Variants in CSMD2 observed in about 807,000 individuals in gnomAD.
CSMD2 encodes CUB and Sushi multiple domains 2, also known as CUB and sushi domain-containing protein 2.
CSMD2 carries 130 observed loss-of-function variants against 398.5 expected under a neutral mutation model. The ratio of observed to expected loss-of-function variants is 0.33; its 90% confidence interval spans 0.28 to 0.38. The LOEUF is 0.38. Among genes scored for constraint, CSMD2 ranks in the 10% least tolerant of loss-of-function variants. The pLI is 1.00. For synonymous variants in CSMD2, 1,828 were observed against 1,908.5 expected (o/e 0.96, Z 1.10); for missense variants, 3,829 against 4,764.9 (o/e 0.80, Z 5.78).
intron 1 of CSMD2, among the ~76,000 whole-genome samples, chr1:34,110,334 C>G (rs1462457374): frequency 6.6e-6 from 1 of 152,036 alleles, no homozygotes; most frequent in African/African-American, 2.4e-5. Flanking sequence ...CCCAGCAATC[C>G]CATTACTGGG....
At chr1:33,657,468 T>C (rs1004702404) in intron 27 of CSMD2, among the ~76,000 whole-genome samples, 1 of 152,216 alleles carries the variant, frequency 6.6e-6, no homozygotes, top group African/African-American at 2.4e-5. Flanking sequence ...AGTGAGACTC[T>C]ATCTCTAAAA....
intron 25 of CSMD2, among the ~76,000 whole-genome samples, chr1:33,671,567 C>T (rs1644498971): frequency 6.6e-6 from 1 of 152,108 alleles, no homozygotes; most frequent in African/African-American, 2.4e-5. Context: ...TTTCAGAGTT[C>T]CACCTCCCAC....
chr1:33,568,394 C>T (rs1659272753), intron 52 of CSMD2, among the ~76,000 whole-genome samples: 1 of 152,100 alleles, frequency 6.6e-6, no homozygotes, highest in Non-Finnish European at 1.5e-5. Context: ...ACCATGTTGG[C>T]CAGGCTGGTC....
At chr1:33,733,085 C>G (rs1021044282) in intron 15 of CSMD2, among the ~76,000 whole-genome samples, 1 of 152,182 alleles carries the variant, frequency 6.6e-6, no homozygotes, top group Non-Finnish European at 1.5e-5. Flanking sequence ...CGTGGGAATG[C>G]CCACCTCAAC....
intron 2 of CSMD2, among the ~76,000 whole-genome samples, chr1:34,034,016 T>C (rs1429745178): frequency 6.6e-6 from 1 of 152,190 alleles, no homozygotes; most frequent in Admixed American, 6.5e-5. Flanking sequence ...TCTTCAAATA[T>C]AAACACATCC....
intron 2 of CSMD2, among the ~76,000 whole-genome samples, chr1:34,033,252 C>G (rs1397438924): frequency 6.6e-6 from 1 of 152,162 alleles, no homozygotes; most frequent in African/African-American, 2.4e-5. Flanking sequence ...TTATTCCTGA[C>G]AGTTGACATA....
chr1:33,742,323 G>C (rs1193272482), intron 14 of CSMD2, among the ~76,000 whole-genome samples: 9 of 152,232 alleles, frequency 5.9e-5, no homozygotes, highest in Non-Finnish European at 1.2e-4. Flanking sequence ...ACGGAGGCAA[G>C]GCCTTTATGC....
intron 3 of CSMD2, among the ~76,000 whole-genome samples, chr1:33,962,555 C>T (rs1292885418): frequency 1.3e-5 from 2 of 152,166 alleles, no homozygotes; most frequent in East Asian, 3.9e-4. Context: ...ACTCCAATGC[C>T]CCAACAGCTT....
rs1479653968 is a variant in CSMD2 at position 33,537,531 on chromosome 1, G to A, written c.9710C>T (p.Ser3237Phe). ...CACCAGAGGGGGATGGCAGGAGAAG[G>A]AGACAGATGACCTGTAGGAGAAGCC... ...DRGFSYRSSV[S>F]FSCHPPLVLV... The change falls in exon 61 of 71, where the codon TCC (serine) becomes TTC (phenylalanine). Residue 3237 changes from serine (S) to phenylalanine (F), a missense_variant. Physicochemically the swap from Ser to Phe is radical, Grantham distance 155. Coordinates refer to ENST00000373381, the MANE Select transcript of CSMD2 (RefSeq NM_001281956.2). The surrounding 1 kb of genome is among the most constrained non-coding windows in gnomAD (Gnocchi z 4.6). 1.9e-6 allele frequency: 3 copies of A among 1,614,102 alleles called. No homozygotes were observed. Among genetic ancestry groups the A allele is most frequent in the South Asian group, 1.1e-5 (1 of 91,088 alleles).
intron 1 of CSMD2, among the ~76,000 whole-genome samples, chr1:34,098,292 T>A (rs1422778698): frequency 7.8e-6 from 1 of 127,958 alleles, no homozygotes; most frequent in Admixed American, 8.0e-5. Flanking sequence ...AGGGATAGCA[T>A]TGGGAGATAT....
At chr1:33,673,745 A>G (rs1376805659) in intron 25 of CSMD2, among the ~76,000 whole-genome samples, 1 of 152,264 alleles carries the variant, frequency 6.6e-6, no homozygotes, top group Non-Finnish European at 1.5e-5. Flanking sequence ...GAAGCCCATC[A>G]GACTAACAGC....
At chr1:33,750,932 A>C (rs72662092) in intron 13 of CSMD2, among the ~76,000 whole-genome samples, 13,350 of 152,274 alleles carry the variant, frequency 0.088, 815 homozygotes, top group Non-Finnish European at 0.14. Context: ...GAAATGGAAG[A>C]TTTTAGATTT....
At chr1:33,587,678 C>A (rs769718992) in intron 44 of CSMD2, among the ~76,000 whole-genome samples, 1 of 152,194 alleles carries the variant, frequency 6.6e-6, no homozygotes, top group African/African-American at 2.4e-5. Context: ...GTGGCTTTTG[C>A]GAGTACCTAC....
chr1:34,160,252 T>TGGTG (rs1641207572), intron 1 of CSMD2, among the ~76,000 whole-genome samples: 1 of 152,206 alleles, frequency 6.6e-6, no homozygotes, highest in Non-Finnish European at 1.5e-5. Flanking sequence ...GCCCTAGATA[T>TGGTG]GGTGGGCACT....
intron 25 of CSMD2, 89 bp downstream of exon 25, chr1:33,692,841 C>T: frequency 6.5e-7 from 1 of 1,527,720 alleles, no homozygotes; most frequent in Non-Finnish European, 9.0e-7. Context: ...GCAGGCAGGC[C>T]AGGCACTAGC....
chr1:33,955,110 C>T (rs913593837), intron 3 of CSMD2, among the ~76,000 whole-genome samples: 5 of 152,228 alleles, frequency 3.3e-5, no homozygotes, highest in Non-Finnish European at 7.3e-5. Flanking sequence ...GAACGGGCTG[C>T]TGGGCCACAC....
intron 25 of CSMD2, among the ~76,000 whole-genome samples, chr1:33,682,536 T>C (rs762184665): frequency 2.6e-5 from 4 of 152,182 alleles, no homozygotes; most frequent in African/African-American, 4.8e-5. Flanking sequence ...TCAACAATTC[T>C]TGAGGCCAAT....
intron 10 of CSMD2, among the ~76,000 whole-genome samples, chr1:33,803,025 C>G (rs1003894866): frequency 6.6e-6 from 1 of 152,202 alleles, no homozygotes; most frequent in Non-Finnish European, 1.5e-5. Flanking sequence ...CCTAGAGCTT[C>G]ACTGCAAAGT....
In CSMD2 at chr1:33,674,694, T is replaced by C. The variant is rs562077939; in HGVS notation, c.4053-11602A>G. 3.3e-3 allele frequency among the ~76,000 whole-genome samples: 504 copies of C among 152,226 alleles called. 1 individual carries two copies. The highest frequency in any genetic ancestry group is 0.011 in the African/African-American group (473 of 41,528). ...CACACCACACCTATTCCAAAATGGA[T>C]CACATAGTTGGAAGTAAAGAACTCC... On this transcript the variant is annotated intron_variant, in intron 25 of 70. Coordinates refer to ENST00000373381, the MANE Select transcript of CSMD2 (RefSeq NM_001281956.2).
Sources: allele counts gnomAD v4.1 joint callset (sites outside exome capture counted in the v4.1 genomes callset), GRCh38; gene constraint gnomAD v4.1.1; non-coding constraint Gnocchi (gnomAD v3.1); transcripts MANE v1.5; gene names NCBI Gene and HGNC (gene_info 2026-07-23, HGNC 2026-07-21).